The following FSCN2 variants were observed in gnomAD, a reference collection of about 807,000 sequenced individuals.
FSCN2 encodes fascin actin-bundling protein 2, retinal.
Under a neutral mutation model 37.8 loss-of-function variants are expected in FSCN2, and 46 were observed. The ratio of observed to expected loss-of-function variants is 1.22; its 90% CI spans 0.96 to 1.56. The LOEUF is 1.56. Among genes scored for constraint, FSCN2 ranks in the 40% most tolerant of loss-of-function variants. The probability of loss-of-function intolerance (pLI) is 0.00; values close to 1 mark genes in which losing one functional copy is unlikely to be tolerated. For synonymous variants in FSCN2, 351 were observed against 309.4 expected (o/e 1.13, Z -1.41); for missense variants, 844 against 730.4 (o/e 1.16, Z -1.79).
intron 1 of FSCN2, chr17:81,529,775 C>T (rs1298963750): frequency 7.4e-6 from 3 of 407,794 alleles, no homozygotes; most frequent in Non-Finnish European, 1.4e-5. Flanking sequence ...TCCATATCTC[C>T]CCTTCTTTTT....
rs745789209 is a variant in FSCN2, at chr17:81,536,562, G to A, written c.1106-60G>A. 10 of 1,593,940 alleles carry A rather than the reference G, an allele frequency of 6.3e-6. No individual in the cohort carries two copies. The highest frequency in any genetic ancestry group is 5.6e-5 in the South Asian group (5 of 89,174). On this transcript the variant is annotated intron_variant, in intron 3 of 4. Transcript: ENST00000417245. ...TGGCGTTTCCCAGGGCCCCCACCCC[G>A]CCCGGCCTGGACAGGGAAGGTGGCG...
intron 3 of FSCN2, 46 bp from the exon 4 acceptor site, chr17:81,536,576 G>T: frequency 6.2e-7 from 1 of 1,602,568 alleles, no homozygotes; most frequent in East Asian, 2.2e-5. Flanking sequence ...GGCCTGGACA[G>T]GGAAGGTGGC....
the FSCN2 span, among the ~76,000 whole-genome samples, chr17:81,515,568 C>A: frequency 6.6e-6 from 1 of 152,220 alleles, no homozygotes; most frequent in Non-Finnish European, 1.5e-5. Context: ...AACAGTGGCC[C>A]AGGGAGGTAT....
At chr17:81,528,084 C>G (rs1343839755), upstream of FSCN2, among the ~76,000 whole-genome samples, 2 of 152,074 alleles carry the variant, frequency 1.3e-5, no homozygotes, top group African/African-American at 4.8e-5. Flanking sequence ...GGCCGGGAGC[C>G]CACACGGGGT....
chr17:81,531,484 T>TAGA (rs1568077489), intron 1 of FSCN2, among the ~76,000 whole-genome samples: 1 of 142,294 alleles, frequency 7.0e-6, no homozygotes, highest in Non-Finnish European at 1.5e-5. Flanking sequence ...GTGGTGATGG[T>TAGA]GATGATGGTG....
At chr17:81,521,221 C>T in the FSCN2 span, among the ~76,000 whole-genome samples, 15 of 152,152 alleles carry the variant, frequency 9.9e-5, no homozygotes, top group South Asian at 2.1e-4. Context: ...GCATGTGCCA[C>T]CACGCCTGGC....
chr17:81,532,028 GAT>G (rs2032663318), intron 1 of FSCN2, among the ~76,000 whole-genome samples: 2 of 89,996 alleles, frequency 2.2e-5, no homozygotes, highest in Non-Finnish European at 5.0e-5. Flanking sequence ...TGATGATAGT[GAT>G]GGTGATGATG....
upstream of FSCN2, among the ~76,000 whole-genome samples, chr17:81,526,542 G>A (rs1224684364): frequency 2.0e-5 from 3 of 152,228 alleles, no homozygotes; most frequent in African/African-American, 4.8e-5. Flanking sequence ...GAGGCAGGAG[G>A]ACTGCTTGAG....
chr17:81,521,337 G>C, the FSCN2 span, among the ~76,000 whole-genome samples: 1 of 151,734 alleles, frequency 6.6e-6, no homozygotes, highest in African/African-American at 2.4e-5. Context: ...CAGAGTCCTG[G>C]GATTACAGGC....
At position 81,529,971 on chromosome 17, in the gene FSCN2, G is replaced by A. The variant is rs181440410; in HGVS notation, c.826+614G>A. On this transcript the variant is annotated intron_variant, in intron 1 of 4. Coordinates refer to ENST00000417245, the MANE Select transcript of FSCN2 (RefSeq NM_012418.4). The stretch of plus-strand genomic sequence containing the variant: ...ACTACAGGCGCCCGCCACCACGCCC[G>A]GCTAATTTTTTGTATTTTTTAGAAG... Among the ~76,000 whole-genome samples the A allele has an allele frequency of 4.6e-3, 694 of 152,286 alleles. 6 individuals carry two copies. The highest frequency in any genetic ancestry group is 0.016 in the African/African-American group (667 of 41,548).
the FSCN2 span, among the ~76,000 whole-genome samples, chr17:81,520,501 C>G: frequency 1.3e-5 from 2 of 152,242 alleles, no homozygotes; most frequent in African/African-American, 4.8e-5. Context: ...ACAAGGCATC[C>G]TTTGGGGGCG....
rs1568077283 is a variant in FSCN2, at chr17:81,531,378, ATGG to A, written c.826+2027_826+2029del. 2.2e-3 allele frequency among the ~76,000 whole-genome samples: 120 copies of A among 53,922 alleles called. 1 individual carries two copies. Among genetic ancestry groups the A allele is most frequent in the Middle Eastern group, 0.03 (2 of 66 alleles). The allele number at this position is 53,922 out of a possible 152,430, so 35.4% of individuals were successfully genotyped here. A position where few individuals can be genotyped will look rare whatever the true frequency, so the allele number is the denominator to read the frequency against. On this transcript the variant is annotated intron_variant, in intron 1 of 4. Coordinates refer to ENST00000417245, the MANE Select transcript of FSCN2 (RefSeq NM_012418.4). ...GGTGATGGTGATGATGGTGGTGGTG[ATGG>A]TGGTGATGGTGATGATGGTGATGGT...
chr17:81,529,365 G>A lies in FSCN2; in HGVS notation c.826+8G>A, dbSNP rs919357285. The A allele has an allele frequency of 6.5e-7, 1 of 1,529,826 alleles. No individual in the cohort carries two copies. Among genetic ancestry groups the A allele is most frequent in the Non-Finnish European group, 8.8e-7 (1 of 1,136,656 alleles). The allele number at this position is 1,529,826 out of a possible 1,614,324, so 94.8% of individuals were successfully genotyped here. On this transcript the variant is annotated splice_region_variant and intron_variant, in intron 1 of 4. Coordinates refer to ENST00000417245, the MANE Select transcript of FSCN2 (RefSeq NM_012418.4). The stretch of plus-strand genomic sequence containing the variant: ...ACGTCTCTGTGCGGCAAGGTAGGGA[G>A]GGCACAGGTGGCGACCTCCTGAGGG...
Position 81,528,493 on chromosome 17 carries a change from C to G in FSCN2, c.-39C>G, listed in dbSNP as rs2075720. 1 of 1,462,840 alleles carries G rather than the reference C, an allele frequency of 6.8e-7. No homozygotes were observed. The highest frequency in any genetic ancestry group is 1.2e-5 in the South Asian group (1 of 81,454). 90.6% of individuals were successfully genotyped at this position (1,462,840 alleles called of 1,614,324 possible). Reference sequence around the variant, plus strand: ...GCGGGGGCCGTGAGCACTCAGAGGGCGCATCCCAGGCCCCTCCGGGGACCC... The same window carrying G: ...GCGGGGGCCGTGAGCACTCAGAGGGGGCATCCCAGGCCCCTCCGGGGACCC... On this transcript the variant is annotated 5_prime_UTR_variant, in exon 1 of 5. Transcript: ENST00000417245.
At chr17:81,534,203 A>G (rs1036653986) in intron 1 of FSCN2, among the ~76,000 whole-genome samples, 1 of 152,106 alleles carries the variant, frequency 6.6e-6, no homozygotes, top group African/African-American at 2.4e-5. Context: ...GCTGTCTGGC[A>G]TGGTCACAGC....
At chr17:81,517,758 C>T in the FSCN2 span, among the ~76,000 whole-genome samples, 1 of 87,582 alleles carries the variant, frequency 1.1e-5, no homozygotes, top group Non-Finnish European at 2.1e-5. Flanking sequence ...GGAGCTCCGG[C>T]CGCCCCCCCC....
At chr17:81,518,837 C>A in the FSCN2 span, among the ~76,000 whole-genome samples, 10 of 152,326 alleles carry the variant, frequency 6.6e-5, no homozygotes, top group African/African-American at 2.2e-4. Context: ...AAAGGGGAAG[C>A]GGGTCAGGGC....
the FSCN2 span, among the ~76,000 whole-genome samples, chr17:81,519,600 A>T: frequency 6.6e-6 from 1 of 151,714 alleles, no homozygotes; most frequent in Non-Finnish European, 1.5e-5. Context: ...GCCAGGAGGG[A>T]CCCCCGCTCC....
the FSCN2 span, among the ~76,000 whole-genome samples, chr17:81,515,955 G>A: frequency 2.6e-5 from 4 of 152,230 alleles, no homozygotes; most frequent in Non-Finnish European, 5.9e-5. Flanking sequence ...AGCGATTCTC[G>A]GGCCTTAGCC....
Sources: allele counts gnomAD v4.1 joint callset (sites outside exome capture counted in the v4.1 genomes callset), GRCh38; gene constraint gnomAD v4.1.1; transcripts MANE v1.5; gene names NCBI Gene and HGNC (gene_info 2026-07-23, HGNC 2026-07-21).